ATXN2: variants seen among roughly 807,000 people sequenced by gnomAD.
The protein encoded by ATXN2 is ataxin-2.
A neutral mutation model predicts 138.6 loss-of-function variants in ATXN2; 37 were observed. That is an observed-to-expected ratio of 0.27 (90% CI 0.21 to 0.35). The LOEUF is 0.35. Ranked by LOEUF, ATXN2 falls within the 10% of genes least tolerant of loss-of-function variation. The pLI, the probability that ATXN2 is intolerant of heterozygous loss-of-function variation, is 1.00. For synonymous variants in ATXN2, 549 were observed against 543.7 expected (o/e 1.01, Z -0.13); for missense variants, 1,216 against 1,480.3 (o/e 0.82, Z 2.93).
Position 111,598,077 on chromosome 12 carries a change from G to GC in ATXN2, c.251+706dup, listed in dbSNP as rs1323921649. On this transcript the variant is annotated intron_variant, in intron 1 of 24. Transcript: ENST00000673436. The surrounding 1 kb of genome is among the most constrained non-coding windows in gnomAD (Gnocchi z 4.5). ...CCCAGGTGGGGGAGGGTGGAACGCT[G>GC]CCGGAGGCCACATGGAGCCCCACGA... The GC allele has an allele frequency of 1.2e-5, 14 of 1,141,410 alleles. No individual in the cohort carries two copies. In the East Asian group the frequency reaches 9.0e-4, roughly 74 times the overall value. 70.7% of individuals were successfully genotyped at this position (1,141,410 alleles called of 1,614,324 possible). A position where few individuals can be genotyped will look rare whatever the true frequency, so the allele number is the denominator to read the frequency against.
chr12:111,582,653 T>C (rs1022113742), intron 1 of ATXN2, among the ~76,000 whole-genome samples: 1 of 152,146 alleles, frequency 6.6e-6, no homozygotes, highest in East Asian at 1.9e-4. Context: ...CTTTAGTATC[T>C]CAGTTTTTTT....
intron 18 of ATXN2, among the ~76,000 whole-genome samples, chr12:111,479,836 G>A (rs1325853026): frequency 6.9e-6 from 1 of 145,974 alleles, no homozygotes; most frequent in South Asian, 2.2e-4. Flanking sequence ...TCTGTTACAC[G>A]CTGTTTGATT....
chr12:111,597,722 G>A (rs760026522), intron 1 of ATXN2: 17 of 631,392 alleles, frequency 2.7e-5, no homozygotes, highest in South Asian at 2.4e-4. Context: ...CGGCTTAGGA[G>A]GGAAAAAGAC....
intron 6 of ATXN2, among the ~76,000 whole-genome samples, chr12:111,521,583 T>C (rs1375549092): frequency 1.3e-5 from 2 of 152,298 alleles, no homozygotes; most frequent in African/African-American, 4.8e-5. Flanking sequence ...AGGCAATCAC[T>C]GGACAAAGTC....
chr12:111,486,614 A>C, intron 16 of ATXN2, 147 bp downstream of exon 16: 1 of 633,262 alleles, frequency 1.6e-6, no homozygotes, highest in Non-Finnish European at 2.8e-6. Flanking sequence ...TTTAAAAAGT[A>C]TTCATTAATG....
intron 1 of ATXN2, among the ~76,000 whole-genome samples, chr12:111,559,828 T>A (rs1413741702): frequency 2.0e-5 from 3 of 151,604 alleles, no homozygotes; most frequent in Non-Finnish European, 2.9e-5. Context: ...CTTAAAATTG[T>A]TAAAATGGTA....
At chr12:111,548,872 C>A (rs1279541336) in intron 5 of ATXN2, among the ~76,000 whole-genome samples, 1 of 152,184 alleles carries the variant, frequency 6.6e-6, no homozygotes, top group African/African-American at 2.4e-5. Context: ...TAGACATGTG[C>A]CATCACGTCC....
chr12:111,524,892 T>C (rs964709641), intron 6 of ATXN2, among the ~76,000 whole-genome samples: 1 of 152,204 alleles, frequency 6.6e-6, no homozygotes, highest in Non-Finnish European at 1.5e-5. Context: ...CACACCGGCA[T>C]TTCCCATGGT....
At chr12:111,468,732 ACT>A (rs1466431267) in intron 20 of ATXN2, 2 of 121,322 alleles carry the variant, frequency 1.6e-5, no homozygotes, top group African/African-American at 3.4e-5. Context: ...ATGGAGTCTC[ACT>A]CTGTCGCTCA....
chr12:111,504,742 C>G (rs1878997612), intron 14 of ATXN2, among the ~76,000 whole-genome samples: 1 of 152,060 alleles, frequency 6.6e-6, no homozygotes, highest in Admixed American at 6.6e-5. Flanking sequence ...AATTTGAACC[C>G]CACCTTATGC....
rs542912800 is a variant in ATXN2, at chr12:111,549,780, C to G, written c.571+2500G>C. ...CACTGTAAGTTTTGAAATAAGATAC[C>G]TGCCCAGGCGTGGTGGCTCACGCCT... On this transcript the variant is annotated intron_variant, in intron 5 of 24. Coordinates refer to ENST00000673436, the MANE Select transcript of ATXN2 (RefSeq NM_001372574.1). 3.9e-5 allele frequency among the ~76,000 whole-genome samples: 6 copies of G among 152,040 alleles called. No individual in the cohort carries two copies. In the East Asian group the frequency reaches 9.7e-4, roughly 25 times the overall value.
chr12:111,583,783 A>AC (rs1439716331), intron 1 of ATXN2, among the ~76,000 whole-genome samples: 1 of 151,270 alleles, frequency 6.6e-6, no homozygotes, highest in Non-Finnish European at 1.5e-5. Context: ...AAAAAAAAAA[A>AC]AAAAAAACAG....
chr12:111,579,692 AGAC>A (rs951880030), intron 1 of ATXN2, among the ~76,000 whole-genome samples: 1 of 151,228 alleles, frequency 6.6e-6, no homozygotes, highest in African/African-American at 2.4e-5. Flanking sequence ...GCAATAGTAC[AGAC>A]GACCTTTTTT....
At chr12:111,585,262 C>T (rs982158245) in intron 1 of ATXN2, among the ~76,000 whole-genome samples, 9 of 152,154 alleles carry the variant, frequency 5.9e-5, no homozygotes, top group East Asian at 1.9e-4. Context: ...CCTGTAATCC[C>T]GGCACTTTGG....
rs118151981 is a variant in ATXN2, at chr12:111,524,343, A to G, written c.696+849T>C. On this transcript the variant is annotated intron_variant, in intron 6 of 24. Coordinates refer to ENST00000673436, the MANE Select transcript of ATXN2 (RefSeq NM_001372574.1). Reference sequence around the variant, plus strand: ...ATGTTACAAATTCTCTTTCTACTCAATGGAAGATTCTTCATTCTACTCAAA... The same window carrying G: ...ATGTTACAAATTCTCTTTCTACTCAGTGGAAGATTCTTCATTCTACTCAAA... 3.8e-3 allele frequency among the ~76,000 whole-genome samples: 577 copies of G among 152,310 alleles called. 1 individual carries two copies. The highest frequency in any genetic ancestry group is 4.8e-3 in the Non-Finnish European group (326 of 68,020).
intron 14 of ATXN2, among the ~76,000 whole-genome samples, chr12:111,493,003 C>T (rs1263906143): frequency 6.6e-6 from 1 of 151,964 alleles, no homozygotes; most frequent in East Asian, 1.9e-4. Flanking sequence ...TAAAAAGAAT[C>T]AAGCAGAAAT....
At chr12:111,597,879 A>G in intron 1 of ATXN2, 1 of 1,288,524 alleles carries the variant, frequency 7.8e-7, no homozygotes, top group South Asian at 1.2e-5. Flanking sequence ...GCCACCCCGG[A>G]TCTCCAGGGT....
intron 23 of ATXN2, chr12:111,454,060 G>T: frequency 2.0e-6 from 1 of 503,540 alleles, no homozygotes; most frequent in African/African-American, 1.9e-5. Flanking sequence ...CAGGGAGCAG[G>T]CAACAAGTGA....
intron 18 of ATXN2, among the ~76,000 whole-genome samples, chr12:111,480,192 G>C (rs1877130185): frequency 7.9e-6 from 1 of 126,282 alleles, no homozygotes; most frequent in Admixed American, 7.1e-5. Flanking sequence ...AGTTACATGA[G>C]CAAATATATT....
Sources: gnomAD v4.1 joint callset for allele counts (sites outside exome capture counted in the v4.1 genomes callset) on GRCh38, gnomAD v4.1.1 for gene constraint, Gnocchi (gnomAD v3.1) non-coding constraint, MANE v1.5 for transcripts, NCBI Gene and HGNC (gene_info 2026-07-23, HGNC 2026-07-21) for gene names.